CRPPA: variants seen among roughly 807,000 people sequenced by gnomAD.
CRPPA encodes the protein D-ribitol-5-phosphate cytidylyltransferase.
In CRPPA, 43 loss-of-function variants were observed where a neutral mutation model predicts 52.0. That is an observed-to-expected ratio of 0.83 (90% CI 0.65 to 1.07). The LOEUF is 1.07. Ranked by LOEUF, CRPPA falls within the 50% of genes least tolerant of loss-of-function variation. The probability of loss-of-function intolerance (pLI) is 0.00; values close to 1 mark genes in which losing one functional copy is unlikely to be tolerated. For missense variants in CRPPA, 629 were observed against 551.7 expected, an observed-to-expected ratio of 1.14 and a Z score of -1.40; for synonymous variants, 250 against 203.5, an observed-to-expected ratio of 1.23 and a Z score of -1.94.
At chr7:16,211,577 A>G (rs898533179) in intron 9 of CRPPA, among the ~76,000 whole-genome samples, 15 of 152,172 alleles carry the variant, frequency 9.9e-5, no homozygotes, top group African/African-American at 1.7e-4. Context: ...CATGATTACC[A>G]TAAAAAAAAA....
chr7:16,158,038 CT>C (rs1326950019), intron 9 of CRPPA, among the ~76,000 whole-genome samples: 6 of 150,116 alleles, frequency 4.0e-5, no homozygotes, highest in Non-Finnish European at 7.4e-5. Flanking sequence ...CCACGCCCAG[CT>C]AATTTTTTTT....
intron 6 of CRPPA, among the ~76,000 whole-genome samples, chr7:16,263,878 TAA>T (rs1783883930): frequency 6.6e-6 from 1 of 152,212 alleles, no homozygotes; most frequent in African/African-American, 2.4e-5. Flanking sequence ...AAACTGCACT[TAA>T]AGTCATTCTT....
At position 16,134,300 on chromosome 7, in the gene CRPPA, C is replaced by T. The variant is rs1269360707; in HGVS notation, c.1252-42501G>A. 1.6e-5 allele frequency among the ~76,000 whole-genome samples: 2 copies of T among 124,512 alleles called. 1 individual carries two copies. The highest frequency in any genetic ancestry group is 5.2e-5 in the African/African-American group (2 of 38,304). 81.7% of individuals were successfully genotyped at this position (124,512 alleles called of 152,430 possible). A position where few individuals can be genotyped will look rare whatever the true frequency, so the allele number is the denominator to read the frequency against. Reference sequence around the variant, plus strand: ...AGAATGCAGTATATAATACATACAGCATACAGCAGGGGTCTGCAACCCCCA... The same window carrying T: ...AGAATGCAGTATATAATACATACAGTATACAGCAGGGGTCTGCAACCCCCA... On this transcript the variant is annotated intron_variant, in intron 9 of 9. Coordinates refer to ENST00000407010, the MANE Select transcript of CRPPA (RefSeq NM_001101426.4).
chr7:16,417,864 GA>G (rs1219522668), intron 1 of CRPPA, among the ~76,000 whole-genome samples: 1 of 152,056 alleles, frequency 6.6e-6, no homozygotes, highest in East Asian at 1.9e-4. Flanking sequence ...CATTCTCTTA[GA>G]ATAACCTAAA....
chr7:16,115,639 T>C (rs1444184258), intron 9 of CRPPA, among the ~76,000 whole-genome samples: 1 of 152,124 alleles, frequency 6.6e-6, no homozygotes, highest in Non-Finnish European at 1.5e-5. Flanking sequence ...CTTGGAGAAA[T>C]TGCTCATTTC....
At chr7:16,355,687 T>C (rs1786275848) in intron 3 of CRPPA, among the ~76,000 whole-genome samples, 1 of 152,172 alleles carries the variant, frequency 6.6e-6, no homozygotes, top group African/African-American at 2.4e-5. Context: ...AAACAAAAGG[T>C]AGCCATGTTG....
intron 3 of CRPPA, among the ~76,000 whole-genome samples, chr7:16,348,096 G>A (rs1252007311): frequency 1.3e-5 from 2 of 152,104 alleles, no homozygotes; most frequent in African/African-American, 2.4e-5. Context: ...GTATCAAGGA[G>A]ATAAAGGGTC....
At position 16,415,611 on chromosome 7, in the gene CRPPA, A is replaced by G. The variant is rs144554181; in HGVS notation, c.257+5455T>C. Among the ~76,000 whole-genome samples, 595 of 152,234 alleles carry G rather than the reference A, an allele frequency of 3.9e-3. 5 individuals carry two copies. Among genetic ancestry groups the G allele is most frequent in the African/African-American group, 0.014 (575 of 41,556 alleles). On this transcript the variant is annotated intron_variant, in intron 1 of 9. Coordinates refer to ENST00000407010, the MANE Select transcript of CRPPA (RefSeq NM_001101426.4). ...AAGGTCGTATAACTTTAATCATCTT[A>G]CTTCCTGAGAAGTAAGTTCTACCTG...
intron 1 of CRPPA, among the ~76,000 whole-genome samples, chr7:16,412,574 T>C (rs1788097839): frequency 6.6e-6 from 1 of 152,236 alleles, no homozygotes; most frequent in African/African-American, 2.4e-5. Flanking sequence ...TTTCTAAGGA[T>C]TTATTCACAT....
At chr7:16,195,315 C>T (rs913803509) in intron 9 of CRPPA, among the ~76,000 whole-genome samples, 1 of 151,992 alleles carries the variant, frequency 6.6e-6, no homozygotes, top group African/African-American at 2.4e-5. Flanking sequence ...GAGATTTTGC[C>T]TTTTTTTAAA....
At chr7:16,275,979 AAAGAAATT>A (rs1784195221) in intron 6 of CRPPA, among the ~76,000 whole-genome samples, 1 of 152,062 alleles carries the variant, frequency 6.6e-6, no homozygotes, top group South Asian at 2.1e-4. Flanking sequence ...TAATAAGCTA[AAAGAAATT>A]AAGAAAATGA....
intron 9 of CRPPA, among the ~76,000 whole-genome samples, chr7:16,204,506 C>T (rs188373780): frequency 6.6e-4 from 100 of 152,022 alleles, no homozygotes; most frequent in African/African-American, 2.0e-3. Flanking sequence ...TGATGAGAAA[C>T]GACATAATGG....
In CRPPA at chr7:16,284,493, C is replaced by CA. The variant is rs201208782; in HGVS notation, c.836-6268dup. 8.5e-3 allele frequency among the ~76,000 whole-genome samples: 1,296 copies of CA among 152,062 alleles called. 17 individuals are homozygous for CA. The highest frequency in any genetic ancestry group is 0.028 in the African/African-American group (1,162 of 41,496). On this transcript the variant is annotated intron_variant, in intron 5 of 9. Coordinates refer to ENST00000407010, the MANE Select transcript of CRPPA (RefSeq NM_001101426.4). Reference sequence around the variant, plus strand: ...ATAAATTGAAATAACTTTGTCCGTGCAAAATATGATCAGTTTCTGACTTCA... The same window carrying CA: ...ATAAATTGAAATAACTTTGTCCGTGCAAAAATATGATCAGTTTCTGACTTCA...
rs1781769012 is a variant in CRPPA, at chr7:16,089,304, A to ATGTGTGTATGCGTACGTATATACATATG, written c.*2390_*2391insCATATGTATATACGTACGCATACACACA. On this transcript the variant is annotated 3_prime_UTR_variant, in exon 10 of 10. Coordinates refer to ENST00000407010, the MANE Select transcript of CRPPA (RefSeq NM_001101426.4). ...TGTGTATGCGTACGTATATACATAT[A>ATGTGTGTATGCGTACGTATATACATATG]TGTGTGTATGCGTACGTATATAAAT... The ATGTGTGTATGCGTACGTATATACATATG allele has an allele frequency of 2.5e-6, 1 of 396,840 alleles. No homozygotes were observed. The highest frequency in any genetic ancestry group is 5.3e-6 in the Non-Finnish European group (1 of 190,110). The allele number at this position is 396,840 out of a possible 1,614,324, so 24.6% of individuals were successfully genotyped here. A position where few individuals can be genotyped will look rare whatever the true frequency, so the allele number is the denominator to read the frequency against.
Position 16,376,211 on chromosome 7 carries a change from T to C in CRPPA, c.565A>G (p.Thr189Ala). Residue 189 changes from threonine (T) to alanine (A), a missense_variant, in exon 3 of 10, where the codon ACT becomes GCT. Coordinates refer to ENST00000407010, the MANE Select transcript of CRPPA (RefSeq NM_001101426.4). Reference protein sequence around the residue: ...AAGAIRPLVSTVVSPSADGCL... With the variant: ...AAGAIRPLVSAVVSPSADGCL... ...CCATCAGCAGATGGACTGACGACAG[T>C]AGATACAAGAGGTCGAATGGCTCCT... 2 of 1,611,686 alleles carry C rather than the reference T, an allele frequency of 1.2e-6. No individual in the cohort carries two copies. Among genetic ancestry groups the C allele is most frequent in the Admixed American group, 1.7e-5 (1 of 59,648 alleles).
chr7:16,397,924 G>C (rs1265029120), intron 2 of CRPPA, among the ~76,000 whole-genome samples: 1 of 152,174 alleles, frequency 6.6e-6, no homozygotes, highest in Admixed American at 6.5e-5. Flanking sequence ...CAACACAACT[G>C]GCAGGTGATT....
At chr7:16,116,673 AAAGG>A (rs1782380016) in intron 9 of CRPPA, among the ~76,000 whole-genome samples, 1 of 104,838 alleles carries the variant, frequency 9.5e-6, no homozygotes, top group African/African-American at 2.8e-5. Flanking sequence ...AAAAAAAAAA[AAAGG>A]AAAGGAAAGG....
At chr7:16,392,881 C>T (rs911196755) in intron 2 of CRPPA, among the ~76,000 whole-genome samples, 1 of 152,140 alleles carries the variant, frequency 6.6e-6, no homozygotes, top group Admixed American at 6.6e-5. Flanking sequence ...CACCTGGATA[C>T]TCCAAGTAAG....
At chr7:16,112,252 T>G (rs1583363795) in intron 9 of CRPPA, among the ~76,000 whole-genome samples, 4 of 152,118 alleles carry the variant, frequency 2.6e-5, no homozygotes, top group African/African-American at 7.2e-5. Flanking sequence ...GAGGCAGAGG[T>G]TGCAGTAAGC....
Sources: gnomAD v4.1 joint callset for allele counts (sites outside exome capture counted in the v4.1 genomes callset) on GRCh38, gnomAD v4.1.1 for gene constraint, MANE v1.5 for transcripts, NCBI Gene and HGNC (gene_info 2026-07-23, HGNC 2026-07-21) for gene names.